Variants in PPP6R3 observed in about 807,000 individuals in gnomAD.
The protein encoded by PPP6R3 is serine/threonine-protein phosphatase 6 regulatory subunit 3.
PPP6R3 carries 38 observed loss-of-function variants against 110.7 expected under a neutral mutation model. That is an observed-to-expected ratio of 0.34 (90% CI 0.26 to 0.45). PPP6R3 has a LOEUF of 0.45. Among genes scored for constraint, PPP6R3 ranks in the 20% least tolerant of loss-of-function variants. The probability of loss-of-function intolerance (pLI) is 1.00; values close to 1 mark genes in which losing one functional copy is unlikely to be tolerated. For synonymous variants in PPP6R3, 369 were observed against 373.5 expected, an observed-to-expected ratio of 0.99 and a Z score of 0.14; for missense variants, 870 against 1,062.4, an observed-to-expected ratio of 0.82 and a Z score of 2.52.
At chr11:68,563,385 GTC>G (rs1414193648) in intron 8 of PPP6R3, among the ~76,000 whole-genome samples, 1 of 152,124 alleles carries the variant, frequency 6.6e-6, no homozygotes, top group African/African-American at 2.4e-5. Flanking sequence ...CCCTCTGTGT[GTC>G]TGTCTTGCCT....
At chr11:68,471,576 A>G (rs2098792557) in intron 1 of PPP6R3, among the ~76,000 whole-genome samples, 1 of 152,176 alleles carries the variant, frequency 6.6e-6, no homozygotes, top group Non-Finnish European at 1.5e-5. Context: ...TGGTGCAGGA[A>G]AAGCCTGGAA....
chr11:68,552,875 G>T (rs922646260), intron 6 of PPP6R3, among the ~76,000 whole-genome samples: 6 of 152,224 alleles, frequency 3.9e-5, no homozygotes, highest in Admixed American at 3.9e-4. Context: ...TCTGCAACAA[G>T]TTTTTTGAGA....
chr11:68,557,503 TTTTC>T (rs2099404037), intron 7 of PPP6R3, among the ~76,000 whole-genome samples: 1 of 148,884 alleles, frequency 6.7e-6, no homozygotes, highest in African/African-American at 2.5e-5. Flanking sequence ...TTTCTTTTTC[TTTTC>T]TTTTTCTTTT....
chr11:68,571,023 C>G lies in PPP6R3; in HGVS notation c.1279-17C>G. ...GCTTTGAAGTATTAACTGGAATATT[C>G]TTTTTTTTTTTTTCAGCTTTTCCAA... On this transcript the variant is annotated splice_polypyrimidine_tract_variant and intron_variant, in intron 11 of 23. Coordinates refer to ENST00000393800, the MANE Select transcript of PPP6R3 (RefSeq NM_001164161.2). 1 of 1,233,172 alleles carries G rather than the reference C, an allele frequency of 8.1e-7. No homozygotes were observed. The allele number at this position is 1,233,172 out of a possible 1,614,324, so 76.4% of individuals were successfully genotyped here. A position where few individuals can be genotyped will look rare whatever the true frequency, so the allele number is the denominator to read the frequency against.
At chr11:68,599,737 A>C (rs1311239634) in intron 19 of PPP6R3, among the ~76,000 whole-genome samples, 1 of 152,244 alleles carries the variant, frequency 6.6e-6, no homozygotes, top group Non-Finnish European at 1.5e-5. Context: ...GCCATGGTAC[A>C]TTTGTCAAAA....
chr11:68,614,517 A>G lies in PPP6R3; in HGVS notation c.*1400A>G. ...AAGGATATTCTGAAAAATGGCCAAC[A>G]ATTTTTTTAGAAGTAGCATCCCAAG... On this transcript the variant is annotated 3_prime_UTR_variant, in exon 24 of 24. Coordinates refer to ENST00000393800, the MANE Select transcript of PPP6R3 (RefSeq NM_001164161.2). 7.0e-7 allele frequency: 1 copy of G among 1,428,758 alleles called. No homozygotes were observed. The allele number at this position is 1,428,758 out of a possible 1,614,324, so 88.5% of individuals were successfully genotyped here.
rs1185091107 is a variant in PPP6R3, at chr11:68,471,654, G to A, written c.-158+10827G>A. Among the ~76,000 whole-genome samples, 3 of 152,224 alleles carry A rather than the reference G, an allele frequency of 2.0e-5. No homozygotes were observed. The East Asian group carries it at 5.8e-4, about 29-fold the overall frequency. ...GCTCCGTCATGGGATTTGCCACAGT[G>A]ATGAAGGGATATTTGGGATCCTGAG... On this transcript the variant is annotated intron_variant, in intron 1 of 23. Coordinates refer to ENST00000393800, the MANE Select transcript of PPP6R3 (RefSeq NM_001164161.2).
intron 1 of PPP6R3, among the ~76,000 whole-genome samples, chr11:68,483,365 G>A (rs2098927678): frequency 6.6e-6 from 1 of 152,198 alleles, no homozygotes; most frequent in South Asian, 2.1e-4. Flanking sequence ...CAAAAAATAT[G>A]GAGGAGAGTT....
intron 1 of PPP6R3, among the ~76,000 whole-genome samples, chr11:68,497,617 A>G (rs1457479663): frequency 6.6e-6 from 1 of 152,110 alleles, no homozygotes; most frequent in African/African-American, 2.4e-5. Flanking sequence ...GGCCTCCCAA[A>G]ATGCTGGGAC....
intron 15 of PPP6R3, among the ~76,000 whole-genome samples, chr11:68,583,619 C>G (rs1023170102): frequency 2.0e-5 from 3 of 152,234 alleles, no homozygotes; most frequent in Non-Finnish European, 2.9e-5. Flanking sequence ...TCTGCCTGCC[C>G]CTGAATTTAT....
chr11:68,610,116 C>G, intron 23 of PPP6R3, 93 bp downstream of exon 23: 2 of 1,508,762 alleles, frequency 1.3e-6, no homozygotes, highest in Non-Finnish European at 1.8e-6. Context: ...GGATCGTTTA[C>G]AGCTGTGCTC....
intron 3 of PPP6R3, among the ~76,000 whole-genome samples, chr11:68,543,128 A>G (rs2153668085): frequency 6.6e-6 from 1 of 152,316 alleles, no homozygotes; most frequent in East Asian, 1.9e-4. Context: ...CTCCTCCATA[A>G]GATAAGGACT....
At chr11:68,562,848 T>A (rs769879670) in intron 8 of PPP6R3, among the ~76,000 whole-genome samples, 1 of 152,202 alleles carries the variant, frequency 6.6e-6, no homozygotes, top group Non-Finnish European at 1.5e-5. Flanking sequence ...ACAGATTGTT[T>A]AGATACATTG....
intron 1 of PPP6R3, among the ~76,000 whole-genome samples, chr11:68,476,766 T>C (rs926829725): frequency 6.6e-6 from 1 of 152,144 alleles, no homozygotes; most frequent in Non-Finnish European, 1.5e-5. Flanking sequence ...CTCACACCTG[T>C]ATTCCCAGCA....
chr11:68,486,133 T>C (rs1299034814), intron 1 of PPP6R3, among the ~76,000 whole-genome samples: 1 of 152,102 alleles, frequency 6.6e-6, no homozygotes, highest in Non-Finnish European at 1.5e-5. Flanking sequence ...TATAATTTTT[T>C]ATATATAATG....
intron 8 of PPP6R3, among the ~76,000 whole-genome samples, chr11:68,560,156 A>G (rs909641830): frequency 2.6e-5 from 4 of 152,254 alleles, no homozygotes; most frequent in Non-Finnish European, 2.9e-5. Flanking sequence ...TTAAAGGTAA[A>G]GGCAGGACAA....
At chr11:68,534,739 T>A (rs1204913098) in intron 2 of PPP6R3, among the ~76,000 whole-genome samples, 1 of 152,218 alleles carries the variant, frequency 6.6e-6, no homozygotes, top group Admixed American at 6.5e-5. Flanking sequence ...ATACTAAGTG[T>A]GGGGAAGAGT....
At chr11:68,497,213 A>AT (rs56963664) in intron 1 of PPP6R3, among the ~76,000 whole-genome samples, 85,373 of 141,204 alleles carry the variant, frequency 0.6, 26,723 homozygotes, top group South Asian at 0.79. Context: ...CGCCCGGCTA[A>AT]TTTTTTTTTT....
intron 3 of PPP6R3, among the ~76,000 whole-genome samples, chr11:68,540,541 A>T (rs1258303863): frequency 1.3e-5 from 2 of 152,178 alleles, no homozygotes; most frequent in South Asian, 2.1e-4. Flanking sequence ...GTCATTGATA[A>T]CATCTTATCA....
Sources: gnomAD v4.1 joint callset for allele counts (sites outside exome capture counted in the v4.1 genomes callset) on GRCh38, gnomAD v4.1.1 for gene constraint, MANE v1.5 for transcripts, NCBI Gene and HGNC (gene_info 2026-07-23, HGNC 2026-07-21) for gene names.